SLC12A5: variants seen among roughly 807,000 people sequenced by gnomAD.
SLC12A5 encodes solute carrier family 12 member 5.
A neutral mutation model predicts 124.0 loss-of-function variants in SLC12A5; 18 were observed. The observed-to-expected ratio is 0.15, with a 90% confidence interval of 0.10 to 0.22. The LOEUF is 0.22. SLC12A5 is among the 10% of genes least tolerant of loss of function. The probability of loss-of-function intolerance (pLI) is 1.00; values close to 1 mark genes in which losing one functional copy is unlikely to be tolerated. For synonymous variants in SLC12A5, 589 were observed against 568.0 expected, an observed-to-expected ratio of 1.04 and a Z score of -0.53; for missense variants, 867 against 1,478.7, an observed-to-expected ratio of 0.59 and a Z score of 6.78.
chr20:46,040,725 G>C, intron 7 of SLC12A5, 111 bp downstream of exon 7: 1 of 1,502,458 alleles, frequency 6.7e-7, no homozygotes, highest in Non-Finnish European at 9.0e-7. Flanking sequence ...AGAGTGGTGT[G>C]GGTTGGGAGT....
At chr20:46,024,909 G>T (rs2084384163), upstream of SLC12A5, among the ~76,000 whole-genome samples, 1 of 152,166 alleles carries the variant, frequency 6.6e-6, no homozygotes, top group African/African-American at 2.4e-5. Flanking sequence ...ATTTCTCAGG[G>T]GGGAGTCAGG....
chr20:46,032,534 C>T (rs1249308337), intron 1 of SLC12A5, among the ~76,000 whole-genome samples: 2 of 152,328 alleles, frequency 1.3e-5, no homozygotes, highest in Non-Finnish European at 2.9e-5. Flanking sequence ...TAGCCACACT[C>T]GTGGCGGGCA....
At chr20:46,041,211 G>A in intron 7 of SLC12A5, 118 bp from the exon 8 acceptor site, 1 of 790,164 alleles carries the variant, frequency 1.3e-6, no homozygotes, top group East Asian at 2.7e-5. Flanking sequence ...ATTAAACGAG[G>A]AACTCTGGAT....
intron 1 of SLC12A5, chr20:46,022,001 A>G (rs1221790142): frequency 1.6e-6 from 2 of 1,224,062 alleles, no homozygotes; most frequent in Admixed American, 6.6e-5. Flanking sequence ...GAGGGGTCCC[A>G]GCCCTAGGCC....
chr20:46,049,779 C>T lies in SLC12A5; in HGVS notation c.2170C>T (p.Arg724Trp), dbSNP rs532191036. 6.3e-6 allele frequency: 10 copies of T among 1,594,462 alleles called. No homozygotes were observed. Among genetic ancestry groups the T allele is most frequent in the Non-Finnish European group, 6.8e-6 (8 of 1,171,032 alleles). The change falls in exon 17 of 26, where the codon CGG becomes TGG. Residue 724 changes from arginine (R) to tryptophan (W), a missense_variant. Around this residue, in one of 9 missense-constraint regions of SLC12A5, gnomAD observed 110 missense variants for 149.9 expected, o/e 0.73. Coordinates refer to ENST00000243964, the MANE Select transcript of SLC12A5 (RefSeq NM_020708.5). ...TFLENHPQAQ[R>W]AEESIRRLME... Reference sequence around the variant, plus strand: ...TCTGGAAAATCATCCACAGGCCCAGCGGGCAGAAGAGGTGAGCAGAGGCCC... The same window carrying T: ...TCTGGAAAATCATCCACAGGCCCAGTGGGCAGAAGAGGTGAGCAGAGGCCC...
intron 8 of SLC12A5, 144 bp from the exon 9 acceptor site, chr20:46,043,009 A>G (rs956567788): frequency 4.9e-6 from 4 of 809,650 alleles, no homozygotes; most frequent in Non-Finnish European, 8.1e-6. Context: ...AGGAAATGTC[A>G]GTGGAAATGA....
rs147203888 is a variant in SLC12A5, at chr20:46,042,757, G to C, written c.1067-396G>C. Among the ~76,000 whole-genome samples, 268 of 152,172 alleles carry C rather than the reference G, an allele frequency of 1.8e-3. 1 individual carries two copies. Among genetic ancestry groups the C allele is most frequent in the African/African-American group, 6.0e-3 (248 of 41,500 alleles). On this transcript the variant is annotated intron_variant, in intron 8 of 25. Transcript: ENST00000243964. Reference sequence around the variant, plus strand: ...GGTATTGAAGTTGGGGAAGGGGAGAGGGAGCAGTGTAGGGCAGGGTGTCAG... The same window carrying C: ...GGTATTGAAGTTGGGGAAGGGGAGACGGAGCAGTGTAGGGCAGGGTGTCAG...
At chr20:46,021,916 G>T in intron 1 of SLC12A5, 1 of 1,487,728 alleles carries the variant, frequency 6.7e-7, no homozygotes, top group South Asian at 1.3e-5. Flanking sequence ...GGGCCTGCCA[G>T]GGCCGGGCGG....
In SLC12A5 at chr20:46,053,634, C is replaced by T. The variant is rs780006174; in HGVS notation, c.2604C>T (p.Ser868=). The T allele has an allele frequency of 6.2e-7, 1 of 1,613,984 alleles. No homozygotes were observed. The highest frequency in any genetic ancestry group is 8.5e-7 in the Non-Finnish European group (1 of 1,179,894). The part of the protein sequence containing the change: ...IFTVAQMDDN[S]IQMKKDLTTF... ...CTGTGGCCCAGATGGATGACAATAG[C>T]ATCCAGATGAAGAAGGATCTGACCA... Residue 868 remains serine, a synonymous_variant, in exon 20 of 26, where the codon AGC becomes AGT. Coordinates refer to ENST00000243964, the MANE Select transcript of SLC12A5 (RefSeq NM_020708.5). This position sits in a 1 kb window ranked among gnomAD's most constrained non-coding sequence, Gnocchi z 4.7.
rs201880006 is a variant in SLC12A5 at position 46,043,954 on chromosome 20, C to A, written c.1394+21C>A. The A allele has an allele frequency of 1.3e-5, 20 of 1,577,814 alleles. No homozygotes were observed. In the South Asian group the frequency reaches 2.0e-4, roughly 16 times the overall value. ...GACAAGTAAGATAATTGGGGTTGAT[C>A]CTATTCTGGGGGAGGGGTGGGTATA... On this transcript the variant is annotated intron_variant, in intron 11 of 25. Transcript: ENST00000243964.
intron 4 of SLC12A5, chr20:46,036,139 G>C (rs928822008): frequency 6.9e-5 from 35 of 510,858 alleles, no homozygotes; most frequent in Middle Eastern, 4.9e-4. Flanking sequence ...ATCTCTCTGT[G>C]TGTAATTACA....
At chr20:46,035,315 C>T (rs533208429) in intron 2 of SLC12A5, 89 bp from the exon 3 acceptor site, 20 of 1,510,620 alleles carry the variant, frequency 1.3e-5, no homozygotes, top group East Asian at 2.3e-5. Flanking sequence ...TTTCGTGCTC[C>T]TTGTCCCCAT....
chr20:46,056,969 C>T lies in SLC12A5; in HGVS notation c.3125+58C>T. On this transcript the variant is annotated intron_variant, in intron 24 of 25. Coordinates refer to ENST00000243964, the MANE Select transcript of SLC12A5 (RefSeq NM_020708.5). This position sits in a 1 kb window ranked among gnomAD's most constrained non-coding sequence, Gnocchi z 4.3. ...CTAGGATGGCCAGGGTCCCTACCCT[C>T]CTCACTCTGTTGTGAACCCCTAATT... 6.2e-7 allele frequency: 1 copy of T among 1,613,046 alleles called. No homozygotes were observed. The highest frequency in any genetic ancestry group is 1.1e-5 in the South Asian group (1 of 91,058).
At chr20:46,048,988 A>G (rs2084624888) in intron 16 of SLC12A5, among the ~76,000 whole-genome samples, 1 of 151,982 alleles carries the variant, frequency 6.6e-6, no homozygotes, top group South Asian at 2.1e-4. Context: ...CCAACCCCTC[A>G]CTCATCTCCC....
chr20:46,057,471 G>C lies in SLC12A5; in HGVS notation c.3260-43G>C, dbSNP rs759702336. 86 of 1,610,468 alleles carry C rather than the reference G, an allele frequency of 5.3e-5. No individual in the cohort carries two copies. The highest frequency in any genetic ancestry group is 6.5e-5 in the Non-Finnish European group (77 of 1,176,928). On this transcript the variant is annotated intron_variant, in intron 25 of 25. Transcript: ENST00000243964. This position sits in a 1 kb window ranked among gnomAD's most constrained non-coding sequence, Gnocchi z 7.1. The stretch of plus-strand genomic sequence containing the variant: ...AGCCGAGCGCGACCCCAATTTCGTC[G>C]GGAGGGAAGGAGACCGGGTCTTTCT...
exon 1 of SLC12A5, chr20:46,021,859 C>T: frequency 6.5e-7 from 1 of 1,530,944 alleles, no homozygotes; most frequent in Non-Finnish European, 8.7e-7. Flanking sequence ...CGCAGACCCC[C>T]GCCACCTCCC....
intron 8 of SLC12A5, among the ~76,000 whole-genome samples, chr20:46,042,837 G>C (rs1282041494): frequency 6.6e-6 from 1 of 152,098 alleles, no homozygotes; most frequent in Non-Finnish European, 1.5e-5. Flanking sequence ...GAGCTGGTTT[G>C]GGGTGGGTGG....
chr20:46,048,219 C>A, intron 16 of SLC12A5, 134 bp downstream of exon 16: 1 of 696,006 alleles, frequency 1.4e-6, no homozygotes, highest in Non-Finnish European at 2.3e-6. Flanking sequence ...AAAAGCCCAG[C>A]CTTGTCTGAT....
At chr20:46,034,869 T>G in intron 1 of SLC12A5, 79 bp from the exon 2 acceptor site, 1 of 1,283,964 alleles carries the variant, frequency 7.8e-7, no homozygotes, top group South Asian at 1.2e-5. Context: ...AGAGGGCTAC[T>G]GTGGCTACAC....
Sources: gnomAD v4.1 joint callset for allele counts (sites outside exome capture counted in the v4.1 genomes callset) on GRCh38, gnomAD v4.1.1 for gene constraint, gnomAD v4.1.1 regional missense constraint, Gnocchi (gnomAD v3.1) non-coding constraint, MANE v1.5 for transcripts, NCBI Gene and HGNC (gene_info 2026-07-23, HGNC 2026-07-21) for gene names.